LAMA5: variants seen among roughly 807,000 people sequenced by gnomAD.
The protein encoded by LAMA5 is laminin subunit alpha 5.
Under a neutral mutation model 433.4 loss-of-function variants are expected in LAMA5, and 260 were observed. The observed-to-expected ratio is 0.60, with a 90% CI of 0.54 to 0.66. The LOEUF is 0.66. Ranked by LOEUF, LAMA5 falls within the 30% of genes least tolerant of loss-of-function variation. The pLI is 0.00. For synonymous variants in LAMA5, 2,620 were observed against 2,226.6 expected (o/e 1.18, Z -4.97); for missense variants, 5,378 against 5,258.5 (o/e 1.02, Z -0.70).
intron 62 of LAMA5, among the ~76,000 whole-genome samples, chr20:62,314,031 G>A (rs369894190): frequency 1.5e-5 from 2 of 129,034 alleles, no homozygotes; most frequent in South Asian, 2.9e-4. Flanking sequence ...ACGGAGAGAC[G>A]AGGGATGGCG....
At chr20:62,327,822 G>A (rs776669404) in intron 36 of LAMA5, 44 bp downstream of exon 36, 3 of 1,580,170 alleles carry the variant, frequency 1.9e-6, no homozygotes, top group Non-Finnish European at 2.6e-6. Context: ...TTCAGCTGAT[G>A]AGGCCGGAGG....
intron 36 of LAMA5, 68 bp downstream of exon 36, chr20:62,327,798 C>T (rs903979260): frequency 5.7e-6 from 9 of 1,572,400 alleles, no homozygotes; most frequent in African/African-American, 1.3e-5. Flanking sequence ...CCCCGAAAGG[C>T]CCGTAAGGAC....
chr20:62,324,402 G>C lies in LAMA5; in HGVS notation c.5643+39C>G. The C allele has an allele frequency of 6.5e-7, 1 of 1,531,056 alleles. No homozygotes were observed. Among genetic ancestry groups the C allele is most frequent in the Non-Finnish European group, 9.0e-7 (1 of 1,113,414 alleles). 94.8% of individuals were successfully genotyped at this position (1,531,056 alleles called of 1,614,324 possible). On this transcript the variant is annotated intron_variant, in intron 42 of 79. Coordinates refer to ENST00000252999, the MANE Select transcript of LAMA5 (RefSeq NM_005560.6). This position sits in a 1 kb window ranked among gnomAD's most constrained non-coding sequence, Gnocchi z 4.4. ...CCTGGCACACTTGACTGTGCCTTCAGTGAATGCTGCCCCCCTGGCCCCACC... is the reference window on the plus strand; with the variant it reads ...CCTGGCACACTTGACTGTGCCTTCACTGAATGCTGCCCCCCTGGCCCCACC...
At chr20:62,321,743 C>CCAGTGGAGGGGTGGGGG in intron 48 of LAMA5, among the ~76,000 whole-genome samples, 1 of 50,034 alleles carries the variant, frequency 2.0e-5, no homozygotes. Context: ...AGGGGTGGGG[C>CCAGTGGAGGGGTGGGGG]CAGTGGAGGG....
At position 62,335,287 on chromosome 20, in the gene LAMA5, G is replaced by C; in HGVS notation, c.2324-18C>G. 1 of 1,611,364 alleles carries C rather than the reference G, an allele frequency of 6.2e-7. No homozygotes were observed. On this transcript the variant is annotated intron_variant, in intron 18 of 79. Coordinates refer to ENST00000252999, the MANE Select transcript of LAMA5 (RefSeq NM_005560.6). ...GCTGCAGCCTGGGGAGAGCAGGGCA[G>C]GACTCAGATGCTTGGTGGGGCAGGA...
chr20:62,322,447 C>T lies in LAMA5; in HGVS notation c.6168G>A (p.Glu2056=), dbSNP rs1978431040. 2 of 1,582,232 alleles carry T rather than the reference C, an allele frequency of 1.3e-6. No individual in the cohort carries two copies. The highest frequency in any genetic ancestry group is 2.7e-5 in the African/African-American group (2 of 74,324). Residue 2056 remains glutamate (E), a splice_region_variant and synonymous_variant, in exon 47 of 80, where the codon GAG becomes GAA. Transcript: ENST00000252999. ...VTGRRCDRCQ[E]GHFGFDGCGG... ...CGCAGCCATCGAAACCAAAATGTCC[C>T]TCCTGTGGCACAGGCTGGTCACTGC...
chr20:62,312,217 G>A lies in LAMA5; in HGVS notation c.9460C>T (p.His3154Tyr), dbSNP rs755574658. ...TGNVYSGFGF[H>Y]SAQDSALLYY... ...AGCAGGGCACTGTCCTGGGCGCTGT[G>A]GAAGCCGAAGCCGGAGTAGACGTTG... Residue 3154 changes from histidine (H) to tyrosine (Y), a missense_variant, in exon 69 of 80, where the codon CAC becomes TAC. Physicochemically the swap from His to Tyr is moderately conservative, Grantham distance 83 (BLOSUM62 2). Transcript: ENST00000252999. 3.1e-6 allele frequency: 5 copies of A among 1,610,584 alleles called. No homozygotes were observed. The highest frequency in any genetic ancestry group is 2.2e-5 in the South Asian group (2 of 90,792).
Position 62,329,008 on chromosome 20 carries a change from G to T in LAMA5, c.4283C>A (p.Ser1428Tyr). ...LFCRNAAASL[S>Y]LFYNNGARPC... Reference sequence around the variant, plus strand: ...ACGGGCTCCGTTGTTATAGAAGAGGGAGAGGGAAGCAGCAGCGTTTCGGCA... The same window carrying T: ...ACGGGCTCCGTTGTTATAGAAGAGGTAGAGGGAAGCAGCAGCGTTTCGGCA... The change falls in exon 34 of 80, where the codon TCC (serine) becomes TAC (tyrosine). Residue 1428 changes from serine (S) to tyrosine (Y), a missense_variant. Physicochemically the swap from Ser to Tyr is moderately radical, Grantham distance 144. Transcript: ENST00000252999. The T allele has an allele frequency of 1.2e-6, 2 of 1,612,752 alleles. No individual in the cohort carries two copies. The highest frequency in any genetic ancestry group is 1.7e-6 in the Non-Finnish European group (2 of 1,179,878).
In LAMA5 at chr20:62,319,022, C is replaced by A; in HGVS notation, c.6872-9G>T. The A allele has an allele frequency of 1.3e-6, 2 of 1,558,132 alleles. No homozygotes were observed. Among genetic ancestry groups the A allele is most frequent in the South Asian group, 1.2e-5 (1 of 84,900 alleles). On this transcript the variant is annotated splice_polypyrimidine_tract_variant and intron_variant, in intron 51 of 79. Coordinates refer to ENST00000252999, the MANE Select transcript of LAMA5 (RefSeq NM_005560.6). ...CGTCTGGGACATGAGCTCTGTGGGG[C>A]AGGGGTTCGTCAGAGCCTGGGGCCG...
At position 62,359,604 on chromosome 20, in the gene LAMA5, C is replaced by T. The variant is rs963152161; in HGVS notation, c.450+2796G>A. 3.3e-5 allele frequency among the ~76,000 whole-genome samples: 5 copies of T among 152,226 alleles called. No homozygotes were observed. The highest frequency in any genetic ancestry group is 1.2e-4 in the African/African-American group (5 of 41,538). The stretch of plus-strand genomic sequence containing the variant: ...GATACGCAAGAACCCCCTAGAAGGA[C>T]CCCCTGGGGAAGGTCACGTCTGGAA... On this transcript the variant is annotated intron_variant, in intron 2 of 79. Coordinates refer to ENST00000252999, the MANE Select transcript of LAMA5 (RefSeq NM_005560.6). The surrounding 1 kb of genome is among the most constrained non-coding windows in gnomAD (Gnocchi z 4.3).
intron 28 of LAMA5, 53 bp from the exon 29 acceptor site, chr20:62,331,182 GGGTGCAGGC>G (rs1980333571): frequency 8.6e-7 from 1 of 1,158,418 alleles, no homozygotes; most frequent in Non-Finnish European, 1.2e-6. Flanking sequence ...GGAGGATAGG[GGGTGCAGGC>G]GGTACGATGG....
At position 62,313,118 on chromosome 20, in the gene LAMA5, G is replaced by A; in HGVS notation, c.8925C>T (p.Tyr2975=). 6.2e-7 allele frequency: 1 copy of A among 1,608,986 alleles called. No homozygotes were observed. Among genetic ancestry groups the A allele is most frequent in the Non-Finnish European group, 8.5e-7 (1 of 1,179,736 alleles). The change falls in exon 65 of 80, where the codon TAC becomes TAT. Residue 2975 remains tyrosine (Y), a synonymous_variant. Coordinates refer to ENST00000252999, the MANE Select transcript of LAMA5 (RefSeq NM_005560.6). ...RFEQELRLVS[Y]SGVLFFLKQQ... Reference sequence around the variant, plus strand: ...GCTTCAGGAAGAAGAGCACCCCGCTGTAGGACACGAGCCGCAGCTCCTGCT... The same window carrying A: ...GCTTCAGGAAGAAGAGCACCCCGCTATAGGACACGAGCCGCAGCTCCTGCT...
In LAMA5 at chr20:62,323,552, C is replaced by A; in HGVS notation, c.5968G>T (p.Ala1990Ser). Residue 1990 changes from alanine to serine, a missense_variant, in exon 45 of 80, where the codon GCC (alanine) becomes TCC (serine). By Grantham distance (99) the Ala-to-Ser change is moderately conservative (BLOSUM62 1). Coordinates refer to ENST00000252999, the MANE Select transcript of LAMA5 (RefSeq NM_005560.6). Reference sequence around the variant, plus strand: ...GTGTGGCGCAGGCAGCCACGGCAGGCGCCCGTCAGGGGGTCGCAGTCGCTG... The same window carrying A: ...GTGTGGCGCAGGCAGCCACGGCAGGAGCCCGTCAGGGGGTCGCAGTCGCTG... ...LFSDCDPLTG[A>S]CRGCLRHTTG... 6.3e-7 allele frequency: 1 copy of A among 1,592,584 alleles called. No homozygotes were observed. Among genetic ancestry groups the A allele is most frequent in the South Asian group, 1.1e-5 (1 of 88,080 alleles).
chr20:62,316,947 G>A lies in LAMA5; in HGVS notation c.7588C>T (p.Gln2530Ter). ...GCATCCTCGGCAGCCTGCACGGCCT[G>A]CAGGATGCGGCTGTAGGCGTTGGAG... ...EASNAYSRILQAVQAAEDAAG... is the reference protein window; with the variant it reads ...EASNAYSRIL The change falls in exon 56 of 80, where the codon CAG (glutamine) becomes TAG (stop). Residue 2530 changes from glutamine to a stop codon, truncating the protein, a stop_gained. Coordinates refer to ENST00000252999, the MANE Select transcript of LAMA5 (RefSeq NM_005560.6). LOFTEE classifies it high-confidence loss of function. 1.9e-6 allele frequency: 3 copies of A among 1,567,836 alleles called. No individual in the cohort carries two copies. The highest frequency in any genetic ancestry group is 2.6e-6 in the Non-Finnish European group (3 of 1,152,976).
At chr20:62,327,837 G>C in intron 36 of LAMA5, 29 bp downstream of exon 36, 1 of 1,590,678 alleles carries the variant, frequency 6.3e-7, no homozygotes, top group South Asian at 1.1e-5. Flanking sequence ...CGGAGGGAGA[G>C]GCCAGATCTG....
intron 11 of LAMA5, chr20:62,345,328 ATTTTT>A (rs374802968): frequency 8.0e-6 from 1 of 124,994 alleles, no homozygotes; most frequent in African/African-American, 3.2e-5. Flanking sequence ...TTTTTTTTCT[ATTTTT>A]TTTTTATTAT....
rs1985417640 is a variant in LAMA5 at position 62,357,503 on chromosome 20, GGGGCGGCA to G, written c.451-4260_451-4253del. On this transcript the variant is annotated intron_variant, in intron 2 of 79. Transcript: ENST00000252999. The stretch of plus-strand genomic sequence containing the variant: ...CGTAGATAAGCCCCACAGCAGGGGC[GGGGCGGCA>G]GCCGGGAGCATCTCCACTGGCCCCC... Among the ~76,000 whole-genome samples the G allele has an allele frequency of 3.3e-5, 5 of 152,276 alleles. No homozygotes were observed. The South Asian group carries it at 1.0e-3, about 32-fold the overall frequency.
chr20:62,343,459 G>A (rs1982897883), intron 11 of LAMA5, among the ~76,000 whole-genome samples: 1 of 152,104 alleles, frequency 6.6e-6, no homozygotes, highest in Non-Finnish European at 1.5e-5. Context: ...CCCATCAGGA[G>A]AAAAACACAC....
At chr20:62,349,841 T>G (rs370651604) in intron 6 of LAMA5, among the ~76,000 whole-genome samples, 1 of 69,162 alleles carries the variant, frequency 1.4e-5, no homozygotes, top group African/African-American at 8.0e-5. Context: ...GGGGTGATGA[T>G]GGTGGGAGTG....
Sources: gnomAD v4.1 joint callset for allele counts (sites outside exome capture counted in the v4.1 genomes callset) on GRCh38, gnomAD v4.1.1 for gene constraint, Gnocchi (gnomAD v3.1) non-coding constraint, MANE v1.5 for transcripts, NCBI Gene and HGNC (gene_info 2026-07-23, HGNC 2026-07-21) for gene names.